Variants in HAS1 observed in about 807,000 individuals in gnomAD.
HAS1 encodes the protein hyaluronan synthase 1, also known as HA synthase 1.
In HAS1, 27 loss-of-function variants were observed where a neutral mutation model predicts 35.0. The observed-to-expected ratio is 0.77, with a 90% CI of 0.57 to 1.06. The LOEUF is 1.06. Ranked by LOEUF, HAS1 falls within the 50% of genes least tolerant of loss-of-function variation. The pLI is 0.00. For missense variants in HAS1, 940 were observed against 814.8 expected (o/e 1.15, Z -1.87); for synonymous variants, 409 against 371.2 (o/e 1.10, Z -1.17).
Position 51,716,271 on chromosome 19 carries a change from A to T in HAS1, c.1043T>A (p.Met348Lys), listed in dbSNP as rs1239593884. 14 of 1,613,848 alleles carry T rather than the reference A, an allele frequency of 8.7e-6. No homozygotes were observed. The South Asian group carries it at 1.5e-4, about 18-fold the overall frequency. ...DRHLTNRMLSMGYATKYTSRS... is the reference protein window; with the variant it reads ...DRHLTNRMLSKGYATKYTSRS... ...CTCAGCTTACTTGGTAGCATAACCC[A>T]TGCTGAGCATGCGGTTGGTGAGGTG... Residue 348 changes from methionine (M) to lysine (K), a missense_variant, in exon 4 of 5, where the codon ATG becomes AAG. Coordinates refer to ENST00000540069, the MANE Select transcript of HAS1 (RefSeq NM_001297436.2).
Position 51,713,550 on chromosome 19 carries a change from G to A in HAS1, c.1611C>T (p.Ala537=), listed in dbSNP as rs758547412. 2.7e-5 allele frequency: 42 copies of A among 1,583,894 alleles called. No individual in the cohort carries two copies. The Admixed American group carries it at 7.2e-4, about 27-fold the overall frequency. Residue 537 remains alanine, a synonymous_variant, in exon 5 of 5, where the codon GCC becomes GCT. Coordinates refer to ENST00000540069, the MANE Select transcript of HAS1 (RefSeq NM_001297436.2). The surrounding 1 kb of genome is among the most constrained non-coding windows in gnomAD (Gnocchi z 4.5). ...DWSGPSRAAE[A]YHLAAGAGAY... is the part of the protein sequence containing the mutation. Reference sequence around the variant, plus strand: ...CGCCGGCCCCCGCGGCCAAGTGGTAGGCCTCGGCTGCGCGGGAAGGGCCGC... The same window carrying A: ...CGCCGGCCCCCGCGGCCAAGTGGTAAGCCTCGGCTGCGCGGGAAGGGCCGC...
rs112842145 is a variant in HAS1, at chr19:51,714,370, CTAAATAAA to C, written c.1059-276_1059-269del. ...GCAACATAGCAAGACCCCATCTCTA[CTAAATAAA>C]TAAATAAATAAATAAATAAGCACCA... is the stretch of plus-strand genomic sequence containing the variant. On this transcript the variant is annotated intron_variant, in intron 4 of 4. Transcript: ENST00000540069. Among the ~76,000 whole-genome samples the C allele has an allele frequency of 8.2e-3, 1,183 of 144,074 alleles. 24 individuals are homozygous for C. The highest frequency in any genetic ancestry group is 0.027 in the African/African-American group (1,037 of 39,130). The allele number at this position is 144,074 out of a possible 152,430, so 94.5% of individuals were successfully genotyped here. A position where few individuals can be genotyped will look rare whatever the true frequency, so the allele number is the denominator to read the frequency against.
At chr19:51,723,789 G>A (rs1273004501) in intron 1 of HAS1, 136 bp downstream of exon 1, 2 of 866,892 alleles carry the variant, frequency 2.3e-6, no homozygotes, top group East Asian at 5.5e-5. Context: ...TATGGTCACT[G>A]TCAGGCACAT....
At position 51,716,842 on chromosome 19, in the gene HAS1, T is replaced by A; in HGVS notation, c.925+126A>T. 4.1e-6 allele frequency: 3 copies of A among 735,958 alleles called. No individual in the cohort carries two copies. The Admixed American group carries it at 5.7e-5, about 14-fold the overall frequency. The allele number at this position is 735,958 out of a possible 1,614,324, so 45.6% of individuals were successfully genotyped here. ...TCCTCACCGCCAGCTTCCAGTTTTA[T>A]CCCATCCCCAATTCCTGCCCTGCTG... On this transcript the variant is annotated intron_variant, in intron 3 of 4. Coordinates refer to ENST00000540069, the MANE Select transcript of HAS1 (RefSeq NM_001297436.2).
chr19:51,713,443 T>C lies in HAS1; in HGVS notation c.1718A>G (p.Tyr573Cys), dbSNP rs770998085. ...TGGCTGGACTCACACCTGGACGCGG[T>C]AGCCCCCGGTCCGCCGCCGGCAAAG... ...RRLCRRRTGGYRVQV is the reference protein window; with the variant it reads ...RRLCRRRTGGCRVQV The change falls in exon 5 of 5, where the codon TAC becomes TGC. Residue 573 changes from tyrosine (Y) to cysteine (C), a missense_variant. Tyr to Cys is a radical substitution (Grantham distance 194). Transcript: ENST00000540069. The surrounding 1 kb of genome is among the most constrained non-coding windows in gnomAD (Gnocchi z 4.5). 1 of 1,535,136 alleles carries C rather than the reference T, an allele frequency of 6.5e-7. No homozygotes were observed. The highest frequency in any genetic ancestry group is 8.8e-7 in the Non-Finnish European group (1 of 1,139,668).
intron 4 of HAS1, among the ~76,000 whole-genome samples, chr19:51,714,786 T>C (rs758045466): frequency 5.9e-5 from 9 of 151,990 alleles, no homozygotes; most frequent in Non-Finnish European, 1.3e-4. Context: ...AGATAGTATT[T>C]GCTCAATAAA....
At position 51,719,543 on chromosome 19, in the gene HAS1, AG is replaced by A; in HGVS notation, c.361del (p.Leu121CysfsTer79). 1 of 1,547,358 alleles carries A rather than the reference AG, an allele frequency of 6.5e-7. No homozygotes were observed. Among genetic ancestry groups the A allele is most frequent in the Non-Finnish European group, 8.7e-7 (1 of 1,145,442 alleles). On this transcript the variant is annotated frameshift_variant, in exon 2 of 5. Coordinates refer to ENST00000540069, the MANE Select transcript of HAS1 (RefSeq NM_001297436.2). LOFTEE classifies it high-confidence loss of function. The stretch of plus-strand genomic sequence containing the variant: ...GACGCGCAGCCGCGCGCGCGGGTAC[AG>A]CAGGGCGCGGGCGGACGCCAGGCAC... ...RQCLASARALLYPRARLRVLM... is the reference protein window; with the variant it reads ...RQCLASARALXYPRARLRVLM...
Position 51,719,274 on chromosome 19 carries a change from A to C in HAS1, c.631T>G (p.Trp211Gly), listed in dbSNP as rs1226296232. The C allele has an allele frequency of 6.8e-6, 11 of 1,610,576 alleles. No individual in the cohort carries two copies. The highest frequency in any genetic ancestry group is 1.3e-5 in the African/African-American group (1 of 74,454). The change falls in exon 2 of 5, where the codon TGG (tryptophan) becomes GGG (glycine). Residue 211 changes from tryptophan (W) to glycine (G), a missense_variant. Physicochemically the swap from Trp to Gly is radical, Grantham distance 184 (BLOSUM62 -2). Transcript: ENST00000540069. ...TACATGACCTCGCGCTTGCCGCCCCAGCGCTGCGCCACGCACACGCACCTG... is the reference window on the plus strand; with the variant it reads ...TACATGACCTCGCGCTTGCCGCCCCCGCGCTGCGCCACGCACACGCACCTG... ...TRRCVCVAQR[W>G]GGKREVMYTA...
At position 51,719,782 on chromosome 19, in the gene HAS1, G is replaced by T; in HGVS notation, c.123C>A (p.Ala41=). ...ILGLMTWAYA[A]GVPLASDRYG... is the part of the protein sequence containing the mutation. ...AGCGATCGGAGGCCAGCGGCACCCCGGCGGCGTAGGCCCAGGTCATGAGGC... is the reference window on the plus strand; with the variant it reads ...AGCGATCGGAGGCCAGCGGCACCCCTGCGGCGTAGGCCCAGGTCATGAGGC... The change falls in exon 2 of 5, where the codon GCC becomes GCA. Residue 41 remains alanine, a synonymous_variant. Coordinates refer to ENST00000540069, the MANE Select transcript of HAS1 (RefSeq NM_001297436.2). The T allele has an allele frequency of 6.4e-7, 1 of 1,560,158 alleles. No homozygotes were observed. The highest frequency in any genetic ancestry group is 2.4e-5 in the East Asian group (1 of 42,046).
intron 3 of HAS1, 131 bp from the exon 4 acceptor site, chr19:51,716,519 A>C: frequency 4.1e-6 from 3 of 732,830 alleles, no homozygotes; most frequent in Non-Finnish European, 6.6e-6. Flanking sequence ...CAATCTCAGC[A>C]CTATCTCCAA....
chr19:51,723,868 TC>T, intron 1 of HAS1, 56 bp downstream of exon 1: 1 of 1,412,644 alleles, frequency 7.1e-7, no homozygotes, highest in South Asian at 1.3e-5. Flanking sequence ...GCAGTAGTTT[TC>T]CCCACATGGC....
intron 4 of HAS1, among the ~76,000 whole-genome samples, chr19:51,715,223 C>T (rs2083578904): frequency 6.6e-6 from 1 of 152,162 alleles, no homozygotes; most frequent in Non-Finnish European, 1.5e-5. Flanking sequence ...GATCCCATTA[C>T]AACGTGTCAC....
In HAS1 at chr19:51,723,923, A is replaced by ACACACT; in HGVS notation, c.9+1_9+2insAGTGTG. ...CACACACACACACACACACACACAC[A>ACACACT]CCTGTCTCATCGCAGTGGGTCTGGC... On this transcript the variant is annotated splice_donor_variant, in intron 1 of 4. Coordinates refer to ENST00000540069, the MANE Select transcript of HAS1 (RefSeq NM_001297436.2). LOFTEE classifies it high-confidence loss of function. 2 of 1,526,380 alleles carry ACACACT rather than the reference A, an allele frequency of 1.3e-6. No individual in the cohort carries two copies. The highest frequency in any genetic ancestry group is 1.8e-6 in the Non-Finnish European group (2 of 1,140,018). The allele number at this position is 1,526,380 out of a possible 1,614,324, so 94.6% of individuals were successfully genotyped here.
At chr19:51,721,660 G>A (rs1377123295) in intron 1 of HAS1, among the ~76,000 whole-genome samples, 2 of 152,118 alleles carry the variant, frequency 1.3e-5, no homozygotes, top group African/African-American at 4.8e-5. Context: ...CAGCTCCTCA[G>A]AAGGCTAAGG....
chr19:51,717,493 A>T (rs2083595693), intron 2 of HAS1, among the ~76,000 whole-genome samples: 1 of 152,206 alleles, frequency 6.6e-6, no homozygotes, highest in Admixed American at 6.5e-5. Context: ...AACTGCCATG[A>T]TTATATTACC....
Position 51,713,468 on chromosome 19 carries a change from G to C in HAS1, c.1693C>G (p.Leu565Val), listed in dbSNP as rs764337721. ...LTLYWVGVRR[L>V]CRRRTGGYRV... is the part of the protein sequence containing the mutation. ...TAGCCCCCGGTCCGCCGCCGGCAAA[G>C]CCTCCGCACGCCCACCCAGTACAGC... The change falls in exon 5 of 5, where the codon CTT (leucine) becomes GTT (valine). Residue 565 changes from leucine to valine, a missense_variant. By Grantham distance (32) the Leu-to-Val change is conservative. Coordinates refer to ENST00000540069, the MANE Select transcript of HAS1 (RefSeq NM_001297436.2). The surrounding 1 kb of genome is among the most constrained non-coding windows in gnomAD (Gnocchi z 4.5). 1.9e-6 allele frequency: 3 copies of C among 1,561,648 alleles called. No individual in the cohort carries two copies. The highest frequency in any genetic ancestry group is 2.6e-6 in the Non-Finnish European group (3 of 1,153,726).
In HAS1 at chr19:51,713,834, C is replaced by A. The variant is rs760936739; in HGVS notation, c.1327G>T (p.Ala443Ser). The A allele has an allele frequency of 5.6e-6, 9 of 1,607,034 alleles. No individual in the cohort carries two copies. In the South Asian group the frequency reaches 6.6e-5, roughly 12 times the overall value. ...AGCCAGGCCGCGAAGGCCGCCTTGG[C>A]CAGTGCCACGCCCTGCACGCACAGC... is the stretch of plus-strand genomic sequence containing the variant. ...VLLCVQGVAL[A>S]KAAFAAWLRG... is the part of the protein sequence containing the mutation. Residue 443 changes from alanine to serine, a missense_variant, in exon 5 of 5, where the codon GCC becomes TCC. Ala to Ser is a moderately conservative substitution (Grantham distance 99, BLOSUM62 1). Coordinates refer to ENST00000540069, the MANE Select transcript of HAS1 (RefSeq NM_001297436.2). The surrounding 1 kb of genome is among the most constrained non-coding windows in gnomAD (Gnocchi z 4.5).
chr19:51,714,694 C>CAAAAAAA (rs1289494953), intron 4 of HAS1, among the ~76,000 whole-genome samples: 1 of 12,560 alleles, frequency 8.0e-5, no homozygotes. Context: ...AAGACTCTAT[C>CAAAAAAA]TAAGAAAAAA....
chr19:51,716,935 T>G (rs753770552), intron 3 of HAS1, 33 bp downstream of exon 3: 1 of 1,442,136 alleles, frequency 6.9e-7, no homozygotes, highest in Admixed American at 1.7e-5. Context: ...TTCCACCCCA[T>G]CCACAGCCCT....
Sources: allele counts gnomAD v4.1 joint callset (sites outside exome capture counted in the v4.1 genomes callset), GRCh38; gene constraint gnomAD v4.1.1; non-coding constraint Gnocchi (gnomAD v3.1); transcripts MANE v1.5; gene names NCBI Gene and HGNC (gene_info 2026-07-23, HGNC 2026-07-21).